Variants in NID1 observed in about 807,000 individuals in gnomAD.
The protein encoded by NID1 is nidogen-1.
In NID1, 76 loss-of-function variants were observed where a neutral mutation model predicts 130.6. That is an observed-to-expected ratio of 0.58 (90% CI 0.48 to 0.70). The LOEUF is 0.70. NID1 is among the 30% of genes least tolerant of loss of function. The pLI is 0.00. For missense variants in NID1, 1,517 were observed against 1,664.8 expected (o/e 0.91, Z 1.54); for synonymous variants, 665 against 675.1 (o/e 0.98, Z 0.23).
chr1:236,025,263 CT>C (rs750410998), intron 8 of NID1, among the ~76,000 whole-genome samples: 136 of 123,716 alleles, frequency 1.1e-3, no homozygotes, highest in Admixed American at 3.5e-3. Flanking sequence ...TACAATTTCT[CT>C]TTTTTTTTTT....
intron 1 of NID1, among the ~76,000 whole-genome samples, chr1:236,056,267 C>A (rs1283602278): frequency 6.6e-6 from 1 of 152,092 alleles, no homozygotes; most frequent in Non-Finnish European, 1.5e-5. Flanking sequence ...AAAGCACAAG[C>A]AACAAAAGCA....
chr1:235,990,750 G>T, intron 14 of NID1, 136 bp downstream of exon 14: 1 of 884,750 alleles, frequency 1.1e-6, no homozygotes, highest in Admixed American at 2.3e-5. Flanking sequence ...TCTAGAGATG[G>T]TCACCCAGGA....
At chr1:235,978,137 C>A in intron 19 of NID1, 149 bp from the exon 20 acceptor site, 1 of 867,516 alleles carries the variant, frequency 1.2e-6, no homozygotes. Context: ...GGACACTGTG[C>A]TAGGCAGTCA....
At chr1:236,033,342 T>C (rs946029385) in intron 5 of NID1, among the ~76,000 whole-genome samples, 6 of 152,096 alleles carry the variant, frequency 3.9e-5, no homozygotes, top group African/African-American at 1.4e-4. Context: ...GAGTGTGGAA[T>C]TGCTCATTTC....
At chr1:235,999,557 G>T (rs552812925) in intron 12 of NID1, among the ~76,000 whole-genome samples, 3 of 151,856 alleles carry the variant, frequency 2.0e-5, no homozygotes, top group South Asian at 2.1e-4. Context: ...GGGGTAGTGG[G>T]GATGCTAAAG....
chr1:236,035,240 G>A (rs1453984032), intron 5 of NID1, among the ~76,000 whole-genome samples: 1 of 103,926 alleles, frequency 9.6e-6, no homozygotes, highest in Non-Finnish European at 1.9e-5. Flanking sequence ...GAGAATATGC[G>A]GTGTTTGGTT....
At position 236,045,514 on chromosome 1, in the gene NID1, C is replaced by T. The variant is rs1659576212; in HGVS notation, c.695G>A (p.Ser232Asn). ...SQGSVGFLWK[S>N]NGAYNIFAND... ...AGCAAATATGTTATAAGCTCCGTTG[C>T]TCTTCCATAAGAATCCCACTGAACC... Residue 232 changes from serine (S) to asparagine (N), a missense_variant, in exon 3 of 20, where the codon AGC becomes AAC. Physicochemically the swap from Ser to Asn is conservative, Grantham distance 46 (BLOSUM62 1). Coordinates refer to ENST00000264187, the MANE Select transcript of NID1 (RefSeq NM_002508.3). The T allele has an allele frequency of 1.2e-6, 2 of 1,614,178 alleles. No individual in the cohort carries two copies. Among genetic ancestry groups the T allele is most frequent in the South Asian group, 1.1e-5 (1 of 91,086 alleles).
At chr1:236,062,364 G>A (rs1416863649) in intron 1 of NID1, among the ~76,000 whole-genome samples, 1 of 152,206 alleles carries the variant, frequency 6.6e-6, no homozygotes, top group Non-Finnish European at 1.5e-5. Flanking sequence ...GCCGGGCATG[G>A]TGGCTCATGC....
chr1:235,980,062 C>A, intron 17 of NID1, 117 bp from the exon 18 acceptor site: 1 of 1,184,576 alleles, frequency 8.4e-7, no homozygotes, highest in South Asian at 1.3e-5. Flanking sequence ...AATGACAAGT[C>A]CCAGAGAACA....
intron 4 of NID1, among the ~76,000 whole-genome samples, chr1:236,040,565 T>C (rs1659420499): frequency 6.6e-6 from 1 of 152,000 alleles, no homozygotes; most frequent in African/African-American, 2.4e-5. Flanking sequence ...AATAAGCTTA[T>C]CTAAAGGCTT....
At chr1:235,978,611 A>C (rs978130390) in intron 19 of NID1, among the ~76,000 whole-genome samples, 1 of 152,250 alleles carries the variant, frequency 6.6e-6, no homozygotes, top group Non-Finnish European at 1.5e-5. Flanking sequence ...TAAAGTTCAT[A>C]GCTCACAGTA....
intron 12 of NID1, among the ~76,000 whole-genome samples, chr1:236,003,745 C>G (rs1658154570): frequency 6.6e-6 from 1 of 152,196 alleles, no homozygotes; most frequent in Non-Finnish European, 1.5e-5. Context: ...TGGCAAGCAC[C>G]TGTAATCCCA....
In NID1 at chr1:235,979,617, C is replaced by T. The variant is rs948271390; in HGVS notation, c.3509+205G>A. 3.3e-5 allele frequency among the ~76,000 whole-genome samples: 5 copies of T among 152,164 alleles called. No individual in the cohort carries two copies. The highest frequency in any genetic ancestry group is 9.7e-5 in the African/African-American group (4 of 41,440). On this transcript the variant is annotated intron_variant, in intron 18 of 19. Transcript: ENST00000264187. The surrounding 1 kb of genome is among the most constrained non-coding windows in gnomAD (Gnocchi z 4.6). ...GATGATAAATGGCACCTCCTGTCCC[C>T]TAGGGCCTTGTCCTCCCTCCTTCTT...
At chr1:236,060,413 T>G (rs970404754) in intron 1 of NID1, among the ~76,000 whole-genome samples, 1 of 152,172 alleles carries the variant, frequency 6.6e-6, no homozygotes, top group Non-Finnish European at 1.5e-5. Flanking sequence ...ACCTGTATCT[T>G]GTGCTGACCT....
At chr1:236,017,592 G>GTTTCAGA (rs1314037538) in intron 9 of NID1, among the ~76,000 whole-genome samples, 26 of 152,248 alleles carry the variant, frequency 1.7e-4, no homozygotes, top group African/African-American at 5.3e-4. Flanking sequence ...CAGCATGTTG[G>GTTTCAGA]CCAGGCTGGT....
intron 5 of NID1, among the ~76,000 whole-genome samples, chr1:236,033,547 C>T (rs948142403): frequency 3.9e-5 from 6 of 152,220 alleles, no homozygotes; most frequent in African/African-American, 1.2e-4. Context: ...CCAGGCTACA[C>T]AGTCATGCCC....
Position 235,985,467 on chromosome 1 carries a change from G to A in NID1, c.2967C>T (p.Asp989=), listed in dbSNP as rs766387849. The A allele has an allele frequency of 1.2e-6, 2 of 1,614,110 alleles. No homozygotes were observed. The highest frequency in any genetic ancestry group is 1.1e-5 in the South Asian group (1 of 91,080). The part of the protein sequence containing the change: ...VIIGLAFDCV[D]KMVYWTDITE... ...TGATGTCCGTCCAGTAAACCATCTT[G>A]TCCACGCAGTCAAAGGCCAGTCCAA... The change falls in exon 15 of 20, where the codon GAC becomes GAT. Residue 989 remains aspartate, a synonymous_variant. Coordinates refer to ENST00000264187, the MANE Select transcript of NID1 (RefSeq NM_002508.3).
At chr1:235,981,933 G>T in intron 15 of NID1, 151 bp from the exon 16 acceptor site, 2 of 709,880 alleles carry the variant, frequency 2.8e-6, no homozygotes, top group Non-Finnish European at 4.5e-6. Flanking sequence ...TTGTTTATAA[G>T]ATAAACAACA....
chr1:236,048,061 T>G (rs1267203873), intron 2 of NID1, among the ~76,000 whole-genome samples: 5 of 117,276 alleles, frequency 4.3e-5, no homozygotes, highest in Admixed American at 1.9e-4. Flanking sequence ...AGGCCGGGCA[T>G]GGTGGCTCAC....
Sources: allele counts gnomAD v4.1 joint callset (sites outside exome capture counted in the v4.1 genomes callset), GRCh38; gene constraint gnomAD v4.1.1; non-coding constraint Gnocchi (gnomAD v3.1); transcripts MANE v1.5; gene names NCBI Gene and HGNC (gene_info 2026-07-23, HGNC 2026-07-21).